The following HPSE2 variants were observed in gnomAD, a reference collection of about 807,000 sequenced individuals.
HPSE2 encodes the protein inactive heparanase-2.
HPSE2 carries 38 observed loss-of-function variants against 60.5 expected under a neutral mutation model. That is an observed-to-expected ratio of 0.63 (90% CI 0.48 to 0.82). The LOEUF (loss-of-function observed/expected upper bound fraction) is 0.82. Among genes scored for constraint, HPSE2 ranks in the 40% least tolerant of loss-of-function variants. The pLI is 0.00. For missense variants in HPSE2, 713 were observed against 740.4 expected (o/e 0.96, Z 0.43); for synonymous variants, 295 against 293.2 (o/e 1.01, Z -0.06).
chr10:99,313,821 C>T, the HPSE2 span, among the ~76,000 whole-genome samples: 2 of 151,310 alleles, frequency 1.3e-5, no homozygotes, highest in African/African-American at 4.9e-5. Flanking sequence ...AGGATGGTCT[C>T]GATCTCTTGA....
intron 3 of HPSE2, among the ~76,000 whole-genome samples, chr10:98,893,181 C>A (rs1953386146): frequency 6.6e-6 from 1 of 152,082 alleles, no homozygotes; most frequent in South Asian, 2.1e-4. Flanking sequence ...GGTTCTCCTG[C>A]CTCATCTTCC....
intron 3 of HPSE2, among the ~76,000 whole-genome samples, chr10:98,974,232 T>C (rs1423797396): frequency 2.0e-5 from 3 of 151,866 alleles, no homozygotes; most frequent in Non-Finnish European, 1.5e-5. Context: ...GAGGTTGCAA[T>C]GAGCTGAGAT....
chr10:98,581,547 G>A (rs1944798849), intron 9 of HPSE2, among the ~76,000 whole-genome samples: 1 of 152,086 alleles, frequency 6.6e-6, no homozygotes, highest in African/African-American at 2.4e-5. Context: ...AAGTACAGCT[G>A]TCAGAATGTA....
At chr10:98,680,196 A>G (rs1051697646) in intron 6 of HPSE2, among the ~76,000 whole-genome samples, 1 of 152,220 alleles carries the variant, frequency 6.6e-6, no homozygotes, top group East Asian at 1.9e-4. Flanking sequence ...CAACAATTCA[A>G]TAACTTGTTA....
intron 3 of HPSE2, among the ~76,000 whole-genome samples, chr10:98,971,833 G>A (rs1007982377): frequency 6.6e-6 from 1 of 152,070 alleles, no homozygotes; most frequent in Non-Finnish European, 1.5e-5. Flanking sequence ...CAAATTCAAA[G>A]AGTGAGCATA....
chr10:98,727,455 A>G (rs1949115645), intron 4 of HPSE2, among the ~76,000 whole-genome samples: 2 of 152,194 alleles, frequency 1.3e-5, no homozygotes, highest in South Asian at 4.1e-4. Flanking sequence ...TTTTAAGACC[A>G]GCCTGGCCAA....
chr10:99,120,323 C>T (rs1844897784), intron 3 of HPSE2, among the ~76,000 whole-genome samples: 1 of 152,088 alleles, frequency 6.6e-6, no homozygotes, highest in African/African-American at 2.4e-5. Context: ...GGCCAATAAT[C>T]CTATGAAAAA....
At chr10:98,659,570 G>T (rs1589591576) in intron 6 of HPSE2, among the ~76,000 whole-genome samples, 3 of 152,150 alleles carry the variant, frequency 2.0e-5, no homozygotes, top group Admixed American at 2.0e-4. Context: ...ATCTGTTGAT[G>T]GACATTTGGG....
chr10:98,767,392 A>G (rs550646175), intron 3 of HPSE2, among the ~76,000 whole-genome samples: 7 of 151,924 alleles, frequency 4.6e-5, no homozygotes, highest in African/African-American at 1.4e-4. Context: ...CTAATAATAC[A>G]TGCAGCATGA....
chr10:98,844,012 G>A (rs921507468), intron 3 of HPSE2, among the ~76,000 whole-genome samples: 4 of 152,152 alleles, frequency 2.6e-5, no homozygotes, highest in Admixed American at 2.6e-4. Flanking sequence ...GGAATTCCCT[G>A]ATGCTTCTGG....
chr10:99,226,789 T>C (rs1265571637), intron 2 of HPSE2, among the ~76,000 whole-genome samples: 5 of 152,048 alleles, frequency 3.3e-5, no homozygotes, highest in African/African-American at 4.8e-5. Context: ...ATGAGGGAGA[T>C]GCTTTAAGGC....
At chr10:99,249,005 C>T in the HPSE2 span, among the ~76,000 whole-genome samples, 1 of 152,190 alleles carries the variant, frequency 6.6e-6, no homozygotes, top group Admixed American at 6.5e-5. Flanking sequence ...TATGGAAATG[C>T]CTGGATGTCC....
chr10:98,616,870 T>C (rs898638726), intron 8 of HPSE2, among the ~76,000 whole-genome samples: 7 of 152,166 alleles, frequency 4.6e-5, no homozygotes, highest in Non-Finnish European at 1.0e-4. Flanking sequence ...TCCTATAAAA[T>C]CAAGATAACA....
intron 3 of HPSE2, among the ~76,000 whole-genome samples, chr10:98,780,740 A>G (rs953851048): frequency 6.6e-6 from 1 of 152,134 alleles, no homozygotes; most frequent in African/African-American, 2.4e-5. Flanking sequence ...AATATAATTG[A>G]AATAAATAGA....
At chr10:99,289,170 A>G in the HPSE2 span, among the ~76,000 whole-genome samples, 1 of 152,176 alleles carries the variant, frequency 6.6e-6, no homozygotes, top group Non-Finnish European at 1.5e-5. Context: ...GAGGCAGCTG[A>G]TGTTTGAAAC....
intron 9 of HPSE2, among the ~76,000 whole-genome samples, chr10:98,546,642 C>T (rs1303790412): frequency 1.3e-5 from 2 of 151,360 alleles, no homozygotes; most frequent in South Asian, 2.1e-4. Context: ...ACACCTTACA[C>T]AAAAATTAAT....
In HPSE2 at chr10:98,459,571, AGC is replaced by A; in HGVS notation, c.*1_*2del. 3.1e-6 allele frequency: 5 copies of A among 1,614,090 alleles called. No individual in the cohort carries two copies. The highest frequency in any genetic ancestry group is 4.2e-6 in the Non-Finnish European group (5 of 1,179,968). ...CACTGGTAGCCGTGAGTGTGAGGAT[AGC>A]TTATCGGTAGCGGCAGGCCAAAGCA... is the stretch of plus-strand genomic sequence containing the variant. On this transcript the variant is annotated 3_prime_UTR_variant, in exon 12 of 12. Transcript: ENST00000370552.
chr10:98,902,862 G>C (rs1953704651), intron 3 of HPSE2, among the ~76,000 whole-genome samples: 1 of 152,140 alleles, frequency 6.6e-6, no homozygotes, highest in South Asian at 2.1e-4. Flanking sequence ...TAGATGGATA[G>C]ATAGGTGACA....
At chr10:98,639,390 T>C (rs781124215) in intron 7 of HPSE2, among the ~76,000 whole-genome samples, 20 of 152,216 alleles carry the variant, frequency 1.3e-4, no homozygotes, top group Non-Finnish European at 2.6e-4. Context: ...ATAGGAGCCC[T>C]GGCTTGAGGG....
Sources: allele counts gnomAD v4.1 joint callset (sites outside exome capture counted in the v4.1 genomes callset), GRCh38; gene constraint gnomAD v4.1.1; transcripts MANE v1.5; gene names NCBI Gene and HGNC (gene_info 2026-07-23, HGNC 2026-07-21).